The following NRF1 variants were observed in gnomAD, a reference collection of about 807,000 sequenced individuals.
The protein encoded by NRF1 is alpha palindromic-binding protein.
NRF1 carries 5 observed loss-of-function variants against 58.5 expected under a neutral mutation model. The observed-to-expected ratio is 0.09, with a 90% CI of 0.04 to 0.18. The LOEUF is 0.18. NRF1 is among the 10% of genes least tolerant of loss of function. The pLI is 1.00. For synonymous variants in NRF1, 224 were observed against 246.7 expected, an observed-to-expected ratio of 0.91 and a Z score of 0.86; for missense variants, 288 against 657.7, an observed-to-expected ratio of 0.44 and a Z score of 6.15.
At chr7:129,680,079 A>T (rs1802273354) in intron 4 of NRF1, among the ~76,000 whole-genome samples, 1 of 152,138 alleles carries the variant, frequency 6.6e-6, no homozygotes, top group Non-Finnish European at 1.5e-5. Context: ...ATAATAATAA[A>T]AATAAAAATA....
intron 1 of NRF1, among the ~76,000 whole-genome samples, chr7:129,645,333 G>A (rs1801381238): frequency 6.6e-6 from 1 of 152,180 alleles, no homozygotes; most frequent in Non-Finnish European, 1.5e-5. Context: ...ACAGTATTCT[G>A]GTTCCAGAGT....
chr7:129,661,491 T>C (rs1408048468), intron 2 of NRF1, among the ~76,000 whole-genome samples: 1 of 151,088 alleles, frequency 6.6e-6, no homozygotes, highest in Non-Finnish European at 1.5e-5. Context: ...TAGAAATTTC[T>C]TCTGCCAGAT....
At chr7:129,744,276 C>T (rs1250750468) in intron 10 of NRF1, 1 of 1,496,740 alleles carries the variant, frequency 6.7e-7, no homozygotes, top group African/African-American at 1.4e-5. Context: ...AGGATAGAGT[C>T]ACTGTGAGGC....
chr7:129,657,276 T>A, intron 1 of NRF1, 70 bp from the exon 2 acceptor site: 1 of 1,136,236 alleles, frequency 8.8e-7, no homozygotes, highest in Non-Finnish European at 1.3e-6. Context: ...GAATAAAATA[T>A]CTCTTAGTTT....
intron 10 of NRF1, among the ~76,000 whole-genome samples, chr7:129,736,679 T>G (rs1287591407): frequency 6.6e-6 from 1 of 151,854 alleles, no homozygotes; most frequent in Non-Finnish European, 1.5e-5. Context: ...GGTATTAGCT[T>G]TGATTGAATG....
At chr7:129,646,029 T>C (rs1801398148) in intron 1 of NRF1, among the ~76,000 whole-genome samples, 1 of 152,160 alleles carries the variant, frequency 6.6e-6, no homozygotes, top group Admixed American at 6.5e-5. Flanking sequence ...TTTGTATTTT[T>C]AGTAGAGACA....
intron 10 of NRF1, among the ~76,000 whole-genome samples, chr7:129,743,513 T>C (rs561932135): frequency 5.1e-4 from 78 of 152,348 alleles, no homozygotes; most frequent in African/African-American, 1.8e-3. Flanking sequence ...GTCTAGTAGC[T>C]ACTACACAGT....
chr7:129,671,647 T>G (rs1238424384), intron 3 of NRF1, 104 bp downstream of exon 3: 1 of 652,272 alleles, frequency 1.5e-6, no homozygotes, highest in Non-Finnish European at 2.8e-6. Context: ...CTTGGTTCGA[T>G]TCCTTGATGA....
chr7:129,620,962 C>T (rs75713041), intron 1 of NRF1, among the ~76,000 whole-genome samples: 4,010 of 152,070 alleles, frequency 0.026, 62 homozygotes, highest in Middle Eastern at 0.075. Context: ...TGAAATATGA[C>T]GATTATGGAA....
chr7:129,675,304 G>A (rs1312619576), intron 3 of NRF1, among the ~76,000 whole-genome samples: 1 of 152,240 alleles, frequency 6.6e-6, no homozygotes, highest in Admixed American at 6.5e-5. Context: ...AAAATCATCC[G>A]TAAGGCTTGG....
chr7:129,641,668 C>T (rs529341147), intron 1 of NRF1: 1 of 152,152 alleles, frequency 6.6e-6, no homozygotes, highest in African/African-American at 2.4e-5. Context: ...AAAGACTCAG[C>T]TTATTTTATT....
At chr7:129,726,957 G>A (rs1419563949) in intron 9 of NRF1, among the ~76,000 whole-genome samples, 1 of 152,238 alleles carries the variant, frequency 6.6e-6, no homozygotes, top group African/African-American at 2.4e-5. Flanking sequence ...GGAAGAAACT[G>A]ATAATGAGTG....
chr7:129,728,237 G>A (rs1027914473), intron 10 of NRF1, among the ~76,000 whole-genome samples: 4 of 152,118 alleles, frequency 2.6e-5, no homozygotes, highest in Admixed American at 6.5e-5. Flanking sequence ...CTGGAATGGG[G>A]CTGGGCACGG....
At chr7:129,616,632 C>T (rs1375771979) in intron 1 of NRF1, among the ~76,000 whole-genome samples, 1 of 152,082 alleles carries the variant, frequency 6.6e-6, no homozygotes, top group Non-Finnish European at 1.5e-5. Context: ...GTAGGCCTAC[C>T]ACATTTGTAA....
intron 10 of NRF1, among the ~76,000 whole-genome samples, chr7:129,751,316 C>T (rs764399129): frequency 6.6e-6 from 1 of 152,210 alleles, no homozygotes; most frequent in African/African-American, 2.4e-5. Context: ...CTTTATATCC[C>T]GTGGGCCACT....
At chr7:129,636,135 G>T (rs1408484876) in intron 1 of NRF1, among the ~76,000 whole-genome samples, 1 of 151,966 alleles carries the variant, frequency 6.6e-6, no homozygotes, top group Admixed American at 6.6e-5. Context: ...TTTTTTTCCA[G>T]ACTAAATTTA....
intron 9 of NRF1, among the ~76,000 whole-genome samples, chr7:129,721,864 A>T (rs559618618): frequency 6.6e-6 from 1 of 152,166 alleles, no homozygotes; most frequent in African/African-American, 2.4e-5. Context: ...ATACGGAGTG[A>T]TATTTGTCCA....
At chr7:129,689,764 TCA>T (rs914312996) in intron 4 of NRF1, among the ~76,000 whole-genome samples, 1 of 152,194 alleles carries the variant, frequency 6.6e-6, no homozygotes, top group Non-Finnish European at 1.5e-5. Flanking sequence ...TTCACTTCTG[TCA>T]CCAAGCCCTA....
chr7:129,615,124 T>C (rs1800634064), intron 1 of NRF1, among the ~76,000 whole-genome samples: 1 of 152,240 alleles, frequency 6.6e-6, no homozygotes, highest in Non-Finnish European at 1.5e-5. Context: ...GATTTTTTGG[T>C]TTCTGGAGGA....
Sources: gnomAD v4.1 joint callset for allele counts (sites outside exome capture counted in the v4.1 genomes callset) on GRCh38, gnomAD v4.1.1 for gene constraint, MANE v1.5 for transcripts, NCBI Gene and HGNC (gene_info 2026-07-23, HGNC 2026-07-21) for gene names.